TCF12: variants seen among roughly 807,000 people sequenced by gnomAD.
TCF12 encodes transcription factor 12, also known as DNA-binding protein HTF4.
Under a neutral mutation model 86.0 loss-of-function variants are expected in TCF12, and 45 were observed. The ratio of observed to expected loss-of-function variants is 0.52; its 90% CI spans 0.41 to 0.67. TCF12 has a LOEUF of 0.67. Ranked by LOEUF, TCF12 falls within the 30% of genes least tolerant of loss-of-function variation. The pLI, the probability that TCF12 is intolerant of heterozygous loss-of-function variation, is 0.00. For synonymous variants in TCF12, 330 were observed against 299.6 expected, an observed-to-expected ratio of 1.10 and a Z score of -1.05; for missense variants, 881 against 859.9, an observed-to-expected ratio of 1.02 and a Z score of -0.31.
intron 3 of TCF12, among the ~76,000 whole-genome samples, chr15:56,946,001 G>C (rs2140397299): frequency 6.6e-6 from 1 of 152,222 alleles, no homozygotes; most frequent in Middle Eastern, 3.4e-3. Flanking sequence ...CTTAATGTTG[G>C]ACTTCCACCC....
At chr15:57,015,400 A>G (rs568801292) in intron 3 of TCF12, among the ~76,000 whole-genome samples, 32 of 152,342 alleles carry the variant, frequency 2.1e-4, no homozygotes, top group African/African-American at 7.0e-4. Context: ...CCCATAACCA[A>G]TGATGGCCCC....
At chr15:57,231,871 A>G (rs764346288) in intron 9 of TCF12, among the ~76,000 whole-genome samples, 7 of 152,220 alleles carry the variant, frequency 4.6e-5, no homozygotes, top group Non-Finnish European at 7.4e-5. Context: ...ACTTAGTTTT[A>G]CTATTAGAAA....
intron 3 of TCF12, among the ~76,000 whole-genome samples, chr15:57,009,895 A>G (rs1351548771): frequency 6.6e-6 from 1 of 152,158 alleles, no homozygotes; most frequent in African/African-American, 2.4e-5. Context: ...CTCTATGTAA[A>G]ACTAACTGTT....
intron 7 of TCF12, among the ~76,000 whole-genome samples, chr15:57,194,903 A>G (rs765485972): frequency 6.6e-6 from 1 of 152,114 alleles, no homozygotes; most frequent in South Asian, 2.1e-4. Flanking sequence ...ACTTATATTT[A>G]TGTATTTTTC....
chr15:57,167,828 G>C (rs2055014277), intron 6 of TCF12, among the ~76,000 whole-genome samples: 2 of 151,996 alleles, frequency 1.3e-5, no homozygotes. Context: ...TTTTAGTGTT[G>C]TTAATGATTG....
intron 3 of TCF12, among the ~76,000 whole-genome samples, chr15:57,028,275 T>C (rs2065942439): frequency 6.6e-6 from 1 of 151,214 alleles, no homozygotes; most frequent in Admixed American, 6.9e-5. Context: ...CCTCTTTTTC[T>C]TTATAAATTA....
chr15:57,272,981 C>T (rs778794413), intron 18 of TCF12, 49 bp from the exon 19 acceptor site: 2 of 1,542,386 alleles, frequency 1.3e-6, no homozygotes, highest in Non-Finnish European at 1.8e-6. Context: ...ATCAGCATAT[C>T]TTACTTTATA....
intron 6 of TCF12, among the ~76,000 whole-genome samples, chr15:57,187,960 TTAGC>T (rs1156838757): frequency 6.6e-6 from 1 of 151,520 alleles, no homozygotes; most frequent in Non-Finnish European, 1.5e-5. Context: ...AATAAACAGA[TTAGC>T]TAGCCAAGAA....
At chr15:57,076,635 TC>T (rs2070075423) in intron 4 of TCF12, among the ~76,000 whole-genome samples, 1 of 145,794 alleles carries the variant, frequency 6.9e-6, no homozygotes, top group Non-Finnish European at 1.5e-5. Flanking sequence ...CCTGGCTCTG[TC>T]TCAAAAAAAA....
intron 6 of TCF12, among the ~76,000 whole-genome samples, chr15:57,170,778 AATATAT>A (rs370771443): frequency 1.9e-5 from 1 of 53,168 alleles, no homozygotes. Flanking sequence ...TATTATATAT[AATATAT>A]ATATATAATA....
At chr15:57,030,013 A>G (rs772349326) in intron 3 of TCF12, among the ~76,000 whole-genome samples, 9 of 152,148 alleles carry the variant, frequency 5.9e-5, no homozygotes, top group Admixed American at 3.3e-4. Context: ...TTTTGGAGAT[A>G]AGAGTAGAGT....
At chr15:57,197,152 CTTTTTTTT>C (rs138145337) in intron 7 of TCF12, among the ~76,000 whole-genome samples, 1 of 87,260 alleles carries the variant, frequency 1.1e-5, no homozygotes, top group African/African-American at 4.3e-5. Context: ...AGAACAGCTT[CTTTTTTTT>C]TTTTTTTTTT....
intron 3 of TCF12, among the ~76,000 whole-genome samples, chr15:57,019,149 C>T (rs1231699596): frequency 6.6e-6 from 1 of 152,108 alleles, no homozygotes; most frequent in Middle Eastern, 3.2e-3. Context: ...CTTTGGTAGC[C>T]AGCACTGGCT....
At chr15:57,102,885 T>G (rs1036400111) in intron 5 of TCF12, among the ~76,000 whole-genome samples, 3 of 152,184 alleles carry the variant, frequency 2.0e-5, no homozygotes, top group Admixed American at 1.3e-4. Flanking sequence ...CAGAAATCTT[T>G]CAGAAAAAAC....
intron 3 of TCF12, among the ~76,000 whole-genome samples, chr15:57,045,674 T>G (rs2067187103): frequency 6.6e-6 from 1 of 152,106 alleles, no homozygotes; most frequent in South Asian, 2.1e-4. Context: ...ACCTCCCAAG[T>G]ATGTAGGACT....
intron 8 of TCF12, among the ~76,000 whole-genome samples, chr15:57,214,764 G>C (rs897159478): frequency 5.9e-5 from 9 of 152,034 alleles, no homozygotes; most frequent in African/African-American, 1.9e-4. Context: ...TAAGATTTTG[G>C]TAATCACAAT....
intron 6 of TCF12, among the ~76,000 whole-genome samples, chr15:57,191,610 T>C (rs1472934669): frequency 2.0e-5 from 3 of 152,166 alleles, no homozygotes; most frequent in Non-Finnish European, 2.9e-5. Flanking sequence ...GTCTTTCAAC[T>C]CTAAGATTTT....
chr15:57,007,810 CTTTCTTTCTT>C (rs1449521384), intron 3 of TCF12, among the ~76,000 whole-genome samples: 51 of 124,276 alleles, frequency 4.1e-4, no homozygotes, highest in African/African-American at 9.8e-4. Flanking sequence ...TTCTTTCTTT[CTTTCTTTCTT>C]TTTCTTTCTT....
intron 8 of TCF12, among the ~76,000 whole-genome samples, chr15:57,228,756 TA>T (rs2058999781): frequency 1.6e-5 from 2 of 122,848 alleles, no homozygotes; most frequent in South Asian, 5.3e-4. Context: ...GTAAGTATAT[TA>T]GTGTGTGAAA....
Sources: allele counts gnomAD v4.1 joint callset (sites outside exome capture counted in the v4.1 genomes callset), GRCh38; gene constraint gnomAD v4.1.1; transcripts MANE v1.5; gene names NCBI Gene and HGNC (gene_info 2026-07-23, HGNC 2026-07-21).